The following UBE2Q2 variants were observed in gnomAD, a reference collection of about 807,000 sequenced individuals.
UBE2Q2 encodes the protein ubiquitin conjugating enzyme E2 Q2.
In UBE2Q2, 54 loss-of-function variants were observed where a neutral mutation model predicts 59.9. The ratio of observed to expected loss-of-function variants is 0.90; its 90% CI spans 0.72 to 1.13. UBE2Q2 has a LOEUF of 1.13. Ranked by LOEUF, UBE2Q2 falls within the 50% of genes most tolerant of loss-of-function variation. UBE2Q2 has a pLI of 0.00. For synonymous variants in UBE2Q2, 165 were observed against 155.2 expected, an observed-to-expected ratio of 1.06 and a Z score of -0.47; for missense variants, 433 against 441.9, an observed-to-expected ratio of 0.98 and a Z score of 0.18.
chr15:75,878,764 G>A (rs1355775320), intron 7 of UBE2Q2, among the ~76,000 whole-genome samples: 2 of 151,972 alleles, frequency 1.3e-5, no homozygotes, highest in African/African-American at 4.8e-5. Flanking sequence ...GGCTAATAAT[G>A]TAAGTTTAAT....
At chr15:75,871,131 T>C (rs528178847) in intron 4 of UBE2Q2, among the ~76,000 whole-genome samples, 1 of 152,294 alleles carries the variant, frequency 6.6e-6, no homozygotes, top group African/African-American at 2.4e-5. Context: ...GGTCTTTGCA[T>C]CATAGACAAG....
intron 9 of UBE2Q2, among the ~76,000 whole-genome samples, chr15:75,886,637 C>T (rs530774641): frequency 2.6e-5 from 4 of 151,932 alleles, no homozygotes; most frequent in African/African-American, 9.6e-5. Flanking sequence ...CCTGTAATCC[C>T]AGCACTTTCG....
intron 9 of UBE2Q2, among the ~76,000 whole-genome samples, chr15:75,889,249 C>G (rs1355112541): frequency 6.6e-6 from 1 of 152,116 alleles, no homozygotes; most frequent in Non-Finnish European, 1.5e-5. Context: ...TTTAGATTTT[C>G]TTTCACTTTT....
In UBE2Q2 at chr15:75,859,989, T is replaced by A. The variant is rs1435021521; in HGVS notation, c.387+7T>A. The A allele has an allele frequency of 6.3e-7, 1 of 1,581,432 alleles. No individual in the cohort carries two copies. Among genetic ancestry groups the A allele is most frequent in the Non-Finnish European group, 8.6e-7 (1 of 1,166,508 alleles). ...ACCACTACCCACGGGTCAGGTAAAG[T>A]AAAAATTCTCTAGTGTTCAAGAGCT... On this transcript the variant is annotated splice_region_variant and intron_variant, in intron 3 of 12. Coordinates refer to ENST00000267938, the MANE Select transcript of UBE2Q2 (RefSeq NM_173469.4).
intron 3 of UBE2Q2, among the ~76,000 whole-genome samples, chr15:75,865,229 T>C (rs762440635): frequency 6.6e-6 from 1 of 152,270 alleles, no homozygotes; most frequent in Non-Finnish European, 1.5e-5. Flanking sequence ...CACTTATGTA[T>C]GCATCCTTGA....
intron 12 of UBE2Q2, 81 bp from the exon 13 acceptor site, chr15:75,899,346 C>T (rs2141689267): frequency 1.2e-6 from 1 of 825,824 alleles, no homozygotes; most frequent in Non-Finnish European, 1.7e-6. Flanking sequence ...TGAAAAGAGA[C>T]TGTAGCTAAC....
intron 3 of UBE2Q2, among the ~76,000 whole-genome samples, chr15:75,865,287 T>C (rs1015606729): frequency 5.3e-5 from 8 of 152,254 alleles, no homozygotes; most frequent in Admixed American, 3.9e-4. Flanking sequence ...AAAATCATAC[T>C]GTATGTATTT....
chr15:75,882,043 A>G (rs1291695243), intron 8 of UBE2Q2, among the ~76,000 whole-genome samples: 2 of 152,224 alleles, frequency 1.3e-5, no homozygotes, highest in African/African-American at 4.8e-5. Context: ...AGGACTGTGT[A>G]TATGGAAGCA....
At chr15:75,891,274 G>A (rs915502410) in intron 11 of UBE2Q2, among the ~76,000 whole-genome samples, 3 of 151,966 alleles carry the variant, frequency 2.0e-5, no homozygotes, top group African/African-American at 7.3e-5. Context: ...GTTTACAGTT[G>A]TAAACAAAAA....
chr15:75,844,173 G>C, intron 1 of UBE2Q2: 3 of 1,440,008 alleles, frequency 2.1e-6, no homozygotes, highest in Non-Finnish European at 2.7e-6. Context: ...GCCCTCAGCC[G>C]GCCTGCTCCC....
chr15:75,888,205 G>A (rs1695378), intron 9 of UBE2Q2, among the ~76,000 whole-genome samples: 30,014 of 152,072 alleles, frequency 0.2, 3,353 homozygotes, highest in Admixed American at 0.29. Flanking sequence ...ACATTTTCAT[G>A]ACTTCAAAAA....
intron 6 of UBE2Q2, among the ~76,000 whole-genome samples, chr15:75,877,757 C>T (rs1898167185): frequency 6.6e-6 from 1 of 152,142 alleles, no homozygotes; most frequent in Non-Finnish European, 1.5e-5. Flanking sequence ...ATTAAAGAAT[C>T]TTCTCAGTTG....
chr15:75,846,493 C>T (rs1896354808), intron 1 of UBE2Q2, among the ~76,000 whole-genome samples: 1 of 152,140 alleles, frequency 6.6e-6, no homozygotes, highest in South Asian at 2.1e-4. Flanking sequence ...GCTGGGATTA[C>T]AGGAGTGAGC....
intron 5 of UBE2Q2, among the ~76,000 whole-genome samples, chr15:75,874,933 A>G (rs1281344187): frequency 6.6e-6 from 1 of 152,196 alleles, no homozygotes; most frequent in Non-Finnish European, 1.5e-5. Context: ...AATGTTGAAA[A>G]CAGGTAGATT....
chr15:75,872,066 T>C (rs1047538239), intron 4 of UBE2Q2, among the ~76,000 whole-genome samples: 2 of 151,870 alleles, frequency 1.3e-5, no homozygotes, highest in African/African-American at 4.8e-5. Flanking sequence ...AGAAGGGAGC[T>C]CAATGAAGTA....
At chr15:75,888,264 C>T (rs985312719) in intron 9 of UBE2Q2, among the ~76,000 whole-genome samples, 2 of 152,188 alleles carry the variant, frequency 1.3e-5, no homozygotes, top group Admixed American at 6.5e-5. Context: ...TTTCCCCCAC[C>T]ATTGATCCTG....
At chr15:75,868,810 A>G (rs1897636177) in intron 3 of UBE2Q2, 141 bp from the exon 4 acceptor site, 4 of 594,056 alleles carry the variant, frequency 6.7e-6, no homozygotes, top group Middle Eastern at 4.7e-4. Flanking sequence ...ATTTAAAGAT[A>G]AACATTTTAA....
At chr15:75,878,707 A>G (rs897145045) in intron 7 of UBE2Q2, among the ~76,000 whole-genome samples, 1 of 151,388 alleles carries the variant, frequency 6.6e-6, no homozygotes, top group African/African-American at 2.4e-5. Flanking sequence ...TAGTGATTTA[A>G]GTTTTCATAG....
chr15:75,873,325 C>A, intron 4 of UBE2Q2, 103 bp from the exon 5 acceptor site: 1 of 1,192,360 alleles, frequency 8.4e-7, no homozygotes, highest in African/African-American at 1.6e-5. Flanking sequence ...CATTTTGTTT[C>A]TTGTTCCTCA....
Sources: gnomAD v4.1 joint callset for allele counts (sites outside exome capture counted in the v4.1 genomes callset) on GRCh38, gnomAD v4.1.1 for gene constraint, MANE v1.5 for transcripts, NCBI Gene and HGNC (gene_info 2026-07-23, HGNC 2026-07-21) for gene names.